The following NAGA variants were observed in gnomAD, a reference collection of about 807,000 sequenced individuals.
NAGA encodes the protein alpha-N-acetylgalactosaminidase.
A neutral mutation model predicts 45.6 loss-of-function variants in NAGA; 42 were observed. The observed-to-expected ratio is 0.92, with a 90% CI of 0.72 to 1.19. The LOEUF (loss-of-function observed/expected upper bound fraction) is 1.19. NAGA is among the 50% of genes most tolerant of loss of function. NAGA has a pLI of 0.00. For synonymous variants in NAGA, 176 were observed against 203.1 expected, an observed-to-expected ratio of 0.87 and a Z score of 1.13; for missense variants, 493 against 544.8, an observed-to-expected ratio of 0.90 and a Z score of 0.95.
At chr22:42,061,193 G>T (rs1926365138) in intron 7 of NAGA, 126 bp from the exon 8 acceptor site, 2 of 1,221,346 alleles carry the variant, frequency 1.6e-6, no homozygotes, top group Non-Finnish European at 2.3e-6. Flanking sequence ...GTTTAGGGAG[G>T]ATGCCACGGG....
chr22:42,065,365 A>T (rs1009845716), intron 6 of NAGA, among the ~76,000 whole-genome samples: 1 of 152,154 alleles, frequency 6.6e-6, no homozygotes, highest in African/African-American at 2.4e-5. Flanking sequence ...TGACAAAAGG[A>T]TCAGAGGCAC....
At position 42,070,278 on chromosome 22, in the gene NAGA, G is replaced by GT. The variant is rs1298541127; in HGVS notation, c.16+3dup. ...TTCCAAGCCACCCCAGCCGGTGTAG[G>GT]TACCTGTCTTCAGCAGCATCGCTCT... On this transcript the variant is annotated splice_donor_region_variant and intron_variant, in intron 1 of 8. Transcript: ENST00000396398. 6.2e-7 allele frequency: 1 copy of GT among 1,614,116 alleles called. No individual in the cohort carries two copies. Among genetic ancestry groups the GT allele is most frequent in the Non-Finnish European group, 8.5e-7 (1 of 1,180,042 alleles).
chr22:42,067,860 T>G lies in NAGA; in HGVS notation c.229A>C (p.Ile77Leu). ...WRDMGYTYLNIDDCWIGGRDA... is the reference protein window; with the variant it reads ...WRDMGYTYLNLDDCWIGGRDA... The stretch of plus-strand genomic sequence containing the variant: ...CGACCACCGATCCAGCAGTCATCAA[T>G]GTTGAGGTATGTGTAGCCCATGTCC... Residue 77 changes from isoleucine to leucine, a missense_variant, in exon 3 of 9, where the codon ATT becomes CTT. Transcript: ENST00000396398. 1 of 1,613,486 alleles carries G rather than the reference T, an allele frequency of 6.2e-7. No individual in the cohort carries two copies. The highest frequency in any genetic ancestry group is 8.5e-7 in the Non-Finnish European group (1 of 1,179,950).
chr22:42,064,932 T>C (rs1260607654), intron 6 of NAGA, among the ~76,000 whole-genome samples: 1 of 152,188 alleles, frequency 6.6e-6, no homozygotes, highest in Non-Finnish European at 1.5e-5. Context: ...CAGGACACAA[T>C]TACAGGCTTA....
chr22:42,069,644 C>T (rs761607918), intron 1 of NAGA, among the ~76,000 whole-genome samples: 5 of 148,284 alleles, frequency 3.4e-5, no homozygotes, highest in Non-Finnish European at 7.4e-5. Context: ...AAAAAAAGTG[C>T]GACAACGCAC....
Position 42,060,062 on chromosome 22 carries a change from G to GAGGGCATGCC in NAGA, c.*216_*217insGGCATGCCCT. The GAGGGCATGCC allele has an allele frequency of 1.7e-6, 1 of 592,272 alleles. No homozygotes were observed. Among genetic ancestry groups the GAGGGCATGCC allele is most frequent in the Admixed American group, 2.8e-5 (1 of 36,086 alleles). The allele number at this position is 592,272 out of a possible 1,614,324, so 36.7% of individuals were successfully genotyped here. A position where few individuals can be genotyped will look rare whatever the true frequency, so the allele number is the denominator to read the frequency against. On this transcript the variant is annotated 3_prime_UTR_variant, in exon 9 of 9. Coordinates refer to ENST00000396398, the MANE Select transcript of NAGA (RefSeq NM_000262.3). Reference sequence around the variant, plus strand: ...CTGCGCACATGGAAGTAGAGGCCAGGAAGGCCACAGGAAAATTGCCCCAAA... The same window carrying GAGGGCATGCC: ...CTGCGCACATGGAAGTAGAGGCCAGGAGGGCATGCCAAGGCCACAGGAAAATTGCCCCAAA...
intron 1 of NAGA, 82 bp downstream of exon 1, chr22:42,070,200 C>A: frequency 1.4e-6 from 2 of 1,478,950 alleles, no homozygotes; most frequent in South Asian, 1.1e-5. Flanking sequence ...TCTCCACATA[C>A]CCACATTAGG....
rs1602489303 is a variant in NAGA at position 42,059,865 on chromosome 22, A to G, written c.*414T>C. Reference sequence around the variant, plus strand: ...AGGCTGCAAGGCCCTCTATGGGTAGAAAAGCCAATCACATGATCCATGGGC... The same window carrying G: ...AGGCTGCAAGGCCCTCTATGGGTAGGAAAGCCAATCACATGATCCATGGGC... On this transcript the variant is annotated 3_prime_UTR_variant, in exon 9 of 9. Coordinates refer to ENST00000396398, the MANE Select transcript of NAGA (RefSeq NM_000262.3). 1 of 246,668 alleles carries G rather than the reference A, an allele frequency of 4.1e-6. No individual in the cohort carries two copies. Among genetic ancestry groups the G allele is most frequent in the African/African-American group, 2.2e-5 (1 of 45,336 alleles). The allele number at this position is 246,668 out of a possible 1,614,324, so 15.3% of individuals were successfully genotyped here.
At chr22:42,069,546 T>C (rs1183682424) in intron 1 of NAGA, among the ~76,000 whole-genome samples, 5 of 139,178 alleles carry the variant, frequency 3.6e-5, no homozygotes, top group Admixed American at 3.2e-4. Context: ...ACCTGGGAGA[T>C]GGAGGTTGCA....
At chr22:42,061,546 C>G (rs78010544) in intron 7 of NAGA, among the ~76,000 whole-genome samples, 5,931 of 152,336 alleles carry the variant, frequency 0.039, 186 homozygotes, top group Non-Finnish European at 0.058. Context: ...GCTCCACCAT[C>G]AGCCCCTCTG....
rs200379766 is a variant in NAGA at position 42,067,732 on chromosome 22, T to C, written c.324+33A>G. On this transcript the variant is annotated intron_variant, in intron 3 of 8. Transcript: ENST00000396398. ...TAGGGTGAAAGGAGTGGTCTAGCCCTGAGGCCAAGGGCAGGGCTGGGGTGC... is the reference window on the plus strand; with the variant it reads ...TAGGGTGAAAGGAGTGGTCTAGCCCCGAGGCCAAGGGCAGGGCTGGGGTGC... The C allele has an allele frequency of 9.7e-4, 1,554 of 1,601,536 alleles. 2 individuals carry two copies. The highest frequency in any genetic ancestry group is 2.3e-3 in the Admixed American group (140 of 59,924).
intron 1 of NAGA, among the ~76,000 whole-genome samples, chr22:42,069,226 C>T (rs972605257): frequency 3.3e-5 from 5 of 152,006 alleles, no homozygotes; most frequent in Non-Finnish European, 5.9e-5. Context: ...AGTGCGAGAC[C>T]CCATCCCAAA....
At chr22:42,070,160 A>G (rs962450601) in intron 1 of NAGA, 122 bp downstream of exon 1, 5 of 1,148,284 alleles carry the variant, frequency 4.4e-6, no homozygotes, top group Non-Finnish European at 6.6e-6. Context: ...CTTCCTGCCC[A>G]GCTCTAAGTA....
rs1258481381 is a variant in NAGA, at chr22:42,070,204, C to T, written c.16+78G>A. On this transcript the variant is annotated intron_variant, in intron 1 of 8. Coordinates refer to ENST00000396398, the MANE Select transcript of NAGA (RefSeq NM_000262.3). ...AGGAACCTGTCTCTCCACATACCCA[C>T]ATTAGGGAAGAAGGGCCAAAGCACT... The T allele has an allele frequency of 8.6e-6, 13 of 1,512,608 alleles. No homozygotes were observed. The Admixed American group carries it at 1.3e-4, about 16-fold the overall frequency. The allele number at this position is 1,512,608 out of a possible 1,614,324, so 93.7% of individuals were successfully genotyped here.
At chr22:42,064,687 T>C (rs1327932006) in intron 6 of NAGA, among the ~76,000 whole-genome samples, 3 of 151,228 alleles carry the variant, frequency 2.0e-5, no homozygotes, top group Non-Finnish European at 4.4e-5. Flanking sequence ...CCCATGGGGG[T>C]GATGGGGGTG....
In NAGA at chr22:42,069,103, G is replaced by A. The variant is rs369911201; in HGVS notation, c.17-529C>T. Among the ~76,000 whole-genome samples the A allele has an allele frequency of 2.2e-4, 33 of 152,244 alleles. No homozygotes were observed. The East Asian group carries it at 4.8e-3, about 22-fold the overall frequency. On this transcript the variant is annotated intron_variant, in intron 1 of 8. Transcript: ENST00000396398. ...TAAAAATTCAAAAACTTAGCCAGGC[G>A]TGGTGGCATGCGCTGTACTCGGGAG...
At chr22:42,066,030 G>T in intron 5 of NAGA, 131 bp from the exon 6 acceptor site, 1 of 1,215,498 alleles carries the variant, frequency 8.2e-7, no homozygotes, top group Non-Finnish European at 1.2e-6. Flanking sequence ...AGGCCCCACC[G>T]GCTTGCTCAG....
chr22:42,065,729 TCCTGGTAC>T lies in NAGA; in HGVS notation c.759+1_759+8del, dbSNP rs768761898. 29 of 1,613,512 alleles carry T rather than the reference TCCTGGTAC, an allele frequency of 1.8e-5. No individual in the cohort carries two copies. Among genetic ancestry groups the T allele is most frequent in the Non-Finnish European group, 2.5e-5 (29 of 1,180,010 alleles). ...GTGGGCCTAGGGACATCCCCCTCCATCCTGGTACCATGTCAGGGTCATTCCAGTGCCCA... is the reference window on the plus strand; with the variant it reads ...GTGGGCCTAGGGACATCCCCCTCCATCATGTCAGGGTCATTCCAGTGCCCA... On this transcript the variant is annotated splice_donor_variant and splice_donor_5th_base_variant and intron_variant, in intron 6 of 8. Coordinates refer to ENST00000396398, the MANE Select transcript of NAGA (RefSeq NM_000262.3). LOFTEE classifies it high-confidence loss of function.
intron 6 of NAGA, among the ~76,000 whole-genome samples, chr22:42,063,619 G>A (rs1019795899): frequency 2.0e-5 from 3 of 152,240 alleles, no homozygotes; most frequent in Admixed American, 6.5e-5. Flanking sequence ...CTCCAGTCAC[G>A]TTTCCCACGC....
Sources: allele counts gnomAD v4.1 joint callset (sites outside exome capture counted in the v4.1 genomes callset), GRCh38; gene constraint gnomAD v4.1.1; transcripts MANE v1.5; gene names NCBI Gene and HGNC (gene_info 2026-07-23, HGNC 2026-07-21).